KCND2: variants seen among roughly 807,000 people sequenced by gnomAD.
KCND2 encodes A-type voltage-gated potassium channel KCND2.
In KCND2, 16 loss-of-function variants were observed where a neutral mutation model predicts 54.4. The observed-to-expected ratio is 0.29, with a 90% CI of 0.20 to 0.45. KCND2 has a LOEUF of 0.45. Ranked by LOEUF, KCND2 falls within the 20% of genes least tolerant of loss-of-function variation. KCND2 has a pLI of 1.00. For missense variants in KCND2, 486 were observed against 824.2 expected, an observed-to-expected ratio of 0.59 and a Z score of 5.02; for synonymous variants, 317 against 310.7, an observed-to-expected ratio of 1.02 and a Z score of -0.21.
Position 120,655,199 on chromosome 7 carries a change from T to C in KCND2, c.1116-77704T>C, listed in dbSNP as rs181116110. ...TTTTAAAATTCTTTAATTTACTTTT[T>C]CCCCCAGGAAGTAAATAAACTTCAA... On this transcript the variant is annotated intron_variant, in intron 1 of 5. Coordinates refer to ENST00000331113, the MANE Select transcript of KCND2 (RefSeq NM_012281.3). Among the ~76,000 whole-genome samples the C allele has an allele frequency of 2.6e-4, 40 of 152,046 alleles. No homozygotes were observed. In the East Asian group the frequency reaches 6.4e-3, roughly 24 times the overall value.
chr7:120,494,676 T>C (rs1802826122), intron 1 of KCND2, among the ~76,000 whole-genome samples: 6 of 152,212 alleles, frequency 3.9e-5, no homozygotes, highest in Admixed American at 3.9e-4. Flanking sequence ...TGTAATCTGC[T>C]AAAGTATGGC....
chr7:120,302,620 G>A lies in KCND2; in HGVS notation c.1115+26873G>A, dbSNP rs1326741587. Among the ~76,000 whole-genome samples, 4 of 152,092 alleles carry A rather than the reference G, an allele frequency of 2.6e-5. No homozygotes were observed. In the East Asian group the frequency reaches 5.8e-4, roughly 22 times the overall value. On this transcript the variant is annotated intron_variant, in intron 1 of 5. Coordinates refer to ENST00000331113, the MANE Select transcript of KCND2 (RefSeq NM_012281.3). ...CACACTATTAAAAGGGTGTCTGAAC[G>A]ATGTTTTATATATGGTTAAAATGTT...
At chr7:120,426,686 A>G (rs1412598110) in intron 1 of KCND2, among the ~76,000 whole-genome samples, 2 of 140,488 alleles carry the variant, frequency 1.4e-5, no homozygotes, top group African/African-American at 5.7e-5. Flanking sequence ...CAGTGGCGCA[A>G]TCTCAGCTCA....
chr7:120,714,566 C>T (rs2116080004), intron 1 of KCND2, among the ~76,000 whole-genome samples: 1 of 152,168 alleles, frequency 6.6e-6, no homozygotes, highest in Non-Finnish European at 1.5e-5. Flanking sequence ...CAGATATCTG[C>T]TCTTTCTATG....
chr7:120,316,939 G>A (rs774337179), intron 1 of KCND2, among the ~76,000 whole-genome samples: 12 of 151,768 alleles, frequency 7.9e-5, no homozygotes, highest in Non-Finnish European at 1.8e-4. Context: ...GGGTTCAAGC[G>A]ATTTTCCTGC....
chr7:120,435,130 C>T (rs932526398), intron 1 of KCND2, among the ~76,000 whole-genome samples: 3 of 137,144 alleles, frequency 2.2e-5, no homozygotes, highest in African/African-American at 8.3e-5. Context: ...TTGAGACAGT[C>T]TCATTCTGCC....
intron 1 of KCND2, among the ~76,000 whole-genome samples, chr7:120,536,381 C>T (rs886109666): frequency 6.6e-6 from 1 of 152,036 alleles, no homozygotes; most frequent in African/African-American, 2.4e-5. Context: ...GGTTCAGTGG[C>T]TGTGGCAATT....
At chr7:120,578,634 G>C (rs1015163205) in intron 1 of KCND2, among the ~76,000 whole-genome samples, 2 of 152,114 alleles carry the variant, frequency 1.3e-5, no homozygotes, top group Non-Finnish European at 1.5e-5. Context: ...TGGGGACCAA[G>C]GTGGGAAGAT....
chr7:120,488,783 T>G (rs556637105), intron 1 of KCND2, among the ~76,000 whole-genome samples: 5 of 152,214 alleles, frequency 3.3e-5, no homozygotes, highest in Admixed American at 2.6e-4. Context: ...TTTAAAAATC[T>G]TATTTATTTA....
intron 1 of KCND2, among the ~76,000 whole-genome samples, chr7:120,683,351 T>A (rs1792163472): frequency 6.6e-6 from 1 of 152,170 alleles, no homozygotes; most frequent in South Asian, 2.1e-4. Flanking sequence ...GCAATAGTAA[T>A]GATGAGTATC....
intron 1 of KCND2, among the ~76,000 whole-genome samples, chr7:120,406,057 G>C (rs1408793694): frequency 1.3e-5 from 2 of 151,932 alleles, no homozygotes; most frequent in Non-Finnish European, 2.9e-5. Context: ...AACTACTTTA[G>C]AATTCAGTTC....
At chr7:120,418,697 C>T (rs1445451698) in intron 1 of KCND2, among the ~76,000 whole-genome samples, 1 of 152,154 alleles carries the variant, frequency 6.6e-6, no homozygotes, top group Non-Finnish European at 1.5e-5. Flanking sequence ...GACTCCAATT[C>T]ACCAATCTAT....
intron 4 of KCND2, among the ~76,000 whole-genome samples, chr7:120,744,372 A>G (rs1792979474): frequency 6.6e-6 from 1 of 152,114 alleles, no homozygotes; most frequent in Non-Finnish European, 1.5e-5. Flanking sequence ...ACCAACTAAT[A>G]TAAATTATGC....
intron 1 of KCND2, among the ~76,000 whole-genome samples, chr7:120,311,212 C>G (rs1356075125): frequency 6.6e-6 from 1 of 152,030 alleles, no homozygotes; most frequent in African/African-American, 2.4e-5. Context: ...CAAAACTGTG[C>G]TCTTTAAGGA....
chr7:120,392,808 A>G (rs1308632072), intron 1 of KCND2, among the ~76,000 whole-genome samples: 1 of 151,932 alleles, frequency 6.6e-6, no homozygotes, highest in Non-Finnish European at 1.5e-5. Flanking sequence ...TTTTCATCTA[A>G]CATTAATATA....
intron 1 of KCND2, among the ~76,000 whole-genome samples, chr7:120,512,583 T>C (rs907182963): frequency 1.3e-5 from 2 of 152,048 alleles, no homozygotes; most frequent in Non-Finnish European, 2.9e-5. Flanking sequence ...ATTAGTCTTG[T>C]GGAGGCTCAT....
intron 1 of KCND2, among the ~76,000 whole-genome samples, chr7:120,482,414 G>T (rs1023459361): frequency 6.6e-6 from 1 of 152,154 alleles, no homozygotes; most frequent in African/African-American, 2.4e-5. Flanking sequence ...GCTCTATTGG[G>T]ATGGAATGAA....
intron 1 of KCND2, among the ~76,000 whole-genome samples, chr7:120,607,251 GA>G (rs2116481339): frequency 6.6e-6 from 1 of 151,914 alleles, no homozygotes; most frequent in African/African-American, 2.4e-5. Context: ...GTGATTTCCA[GA>G]CTTCTGAAAA....
At chr7:120,525,609 A>G (rs1468088462) in intron 1 of KCND2, among the ~76,000 whole-genome samples, 2 of 152,174 alleles carry the variant, frequency 1.3e-5, no homozygotes, top group East Asian at 3.9e-4. Flanking sequence ...ATGCCTTTGC[A>G]AGATTTGAAC....
Sources: gnomAD v4.1 joint callset for allele counts (sites outside exome capture counted in the v4.1 genomes callset) on GRCh38, gnomAD v4.1.1 for gene constraint, MANE v1.5 for transcripts, NCBI Gene and HGNC (gene_info 2026-07-23, HGNC 2026-07-21) for gene names.